Variants in GALNT18 observed in about 807,000 individuals in gnomAD.
GALNT18 encodes the protein GalNAc-transferase 18.
A neutral mutation model predicts 69.5 loss-of-function variants in GALNT18; 44 were observed. The ratio of observed to expected loss-of-function variants is 0.63; its 90% CI spans 0.50 to 0.81. GALNT18 has a LOEUF of 0.81. GALNT18 is among the 40% of genes least tolerant of loss of function. The probability of loss-of-function intolerance (pLI) is 0.00; values close to 1 mark genes in which losing one functional copy is unlikely to be tolerated. For synonymous variants in GALNT18, 364 were observed against 318.2 expected, an observed-to-expected ratio of 1.14 and a Z score of -1.53; for missense variants, 715 against 810.0, an observed-to-expected ratio of 0.88 and a Z score of 1.42.
rs1859104054 is a variant in GALNT18 at position 11,582,219 on chromosome 11, T to C, written c.235+39140A>G. ...GGCTCTGAAGCAGGAACAAAGCTGA[T>C]GTGTTTGAGAACAGCACAAGCTGAT... On this transcript the variant is annotated intron_variant, in intron 1 of 10. Transcript: ENST00000227756. This position sits in a 1 kb window ranked among gnomAD's most constrained non-coding sequence, Gnocchi z 5.0. Among the ~76,000 whole-genome samples, 1 of 152,122 alleles carries C rather than the reference T, an allele frequency of 6.6e-6. No homozygotes were observed.
intron 10 of GALNT18, among the ~76,000 whole-genome samples, chr11:11,279,771 C>G (rs1849029530): frequency 6.6e-6 from 1 of 152,182 alleles, no homozygotes; most frequent in Non-Finnish European, 1.5e-5. Flanking sequence ...CAGGAAATCA[C>G]AAGGGTGTTG....
intron 3 of GALNT18, among the ~76,000 whole-genome samples, chr11:11,409,847 T>A (rs1329117102): frequency 1.3e-5 from 2 of 152,234 alleles, no homozygotes; most frequent in African/African-American, 2.4e-5. Context: ...GACTTCTGTC[T>A]GTCTTGTCTG....
rs1471404830 is a variant in GALNT18 at position 11,538,410 on chromosome 11, G to C, written c.235+82949C>G. ...TTCAGCTGAGCCACCCGGGGTGTCT[G>C]TCCCCAGACGTGGACACCAGCCAAC... On this transcript the variant is annotated intron_variant, in intron 1 of 10. Coordinates refer to ENST00000227756, the MANE Select transcript of GALNT18 (RefSeq NM_198516.3). The surrounding 1 kb of genome is among the most constrained non-coding windows in gnomAD (Gnocchi z 5.2). Among the ~76,000 whole-genome samples the C allele has an allele frequency of 3.3e-5, 5 of 152,218 alleles. No homozygotes were observed. The highest frequency in any genetic ancestry group is 1.2e-4 in the African/African-American group (5 of 41,466).
intron 6 of GALNT18, among the ~76,000 whole-genome samples, chr11:11,363,363 T>G (rs1300354705): frequency 6.6e-6 from 1 of 152,166 alleles, no homozygotes; most frequent in African/African-American, 2.4e-5. Flanking sequence ...AGAGGAACAC[T>G]TCTAGATAAG....
intron 1 of GALNT18, among the ~76,000 whole-genome samples, chr11:11,597,496 T>A (rs1023406578): frequency 1.3e-5 from 2 of 152,174 alleles, no homozygotes; most frequent in Non-Finnish European, 2.9e-5. Flanking sequence ...ATGTTCTATT[T>A]CTTCTGTTGT....
At chr11:11,479,836 C>T (rs892746930) in intron 1 of GALNT18, among the ~76,000 whole-genome samples, 1 of 152,110 alleles carries the variant, frequency 6.6e-6, no homozygotes, top group Admixed American at 6.5e-5. Context: ...TTCTGGAAGC[C>T]TCATCTAGTA....
In GALNT18 at chr11:11,582,386, C is replaced by T. The variant is rs1370611532; in HGVS notation, c.235+38973G>A. Among the ~76,000 whole-genome samples the T allele has an allele frequency of 6.6e-6, 1 of 152,248 alleles. No individual in the cohort carries two copies. The highest frequency in any genetic ancestry group is 1.5e-5 in the Non-Finnish European group (1 of 68,052). On this transcript the variant is annotated intron_variant, in intron 1 of 10. Transcript: ENST00000227756. The surrounding 1 kb of genome is among the most constrained non-coding windows in gnomAD (Gnocchi z 5.0). Reference sequence around the variant, plus strand: ...AGGGCTATGCATGCCTGTCCGTTGCCCCGTGGCTTGCAGTGCTATCCAGTG... The same window carrying T: ...AGGGCTATGCATGCCTGTCCGTTGCTCCGTGGCTTGCAGTGCTATCCAGTG...
At position 11,621,760 on chromosome 11, in the gene GALNT18, C is replaced by T; in HGVS notation, c.-167G>A. 1.6e-6 allele frequency: 1 copy of T among 606,552 alleles called. No individual in the cohort carries two copies. Among genetic ancestry groups the T allele is most frequent in the South Asian group, 2.0e-5 (1 of 49,880 alleles). The allele number at this position is 606,552 out of a possible 1,614,324, so 37.6% of individuals were successfully genotyped here. ...TCCGCTGCCGGTGTAGCCGCCGTGC[C>T]CAAGTTTGCAGCTCCTGCCGCTGGC... On this transcript the variant is annotated 5_prime_UTR_variant, in exon 1 of 11. Coordinates refer to ENST00000227756, the MANE Select transcript of GALNT18 (RefSeq NM_198516.3). The surrounding 1 kb of genome is among the most constrained non-coding windows in gnomAD (Gnocchi z 9.3).
At chr11:11,570,448 G>A (rs765843800) in intron 1 of GALNT18, among the ~76,000 whole-genome samples, 5 of 152,312 alleles carry the variant, frequency 3.3e-5, no homozygotes, top group Admixed American at 6.5e-5. Flanking sequence ...CCGGCCGTCC[G>A]GCCCCTGCCC....
rs752719417 is a variant in GALNT18 at position 11,538,558 on chromosome 11, G to A, written c.235+82801C>T. Among the ~76,000 whole-genome samples the A allele has an allele frequency of 5.9e-5, 9 of 152,134 alleles. No individual in the cohort carries two copies. Among genetic ancestry groups the A allele is most frequent in the East Asian group, 1.9e-4 (1 of 5,158 alleles). On this transcript the variant is annotated intron_variant, in intron 1 of 10. Coordinates refer to ENST00000227756, the MANE Select transcript of GALNT18 (RefSeq NM_198516.3). This position sits in a 1 kb window ranked among gnomAD's most constrained non-coding sequence, Gnocchi z 5.2. The stretch of plus-strand genomic sequence containing the variant: ...TTTTCCCTGCTTGCACCAACAACCC[G>A]ATAGCCCTGGAGCTCGCGGCACTCC...
chr11:11,442,790 G>T (rs1213375289), intron 2 of GALNT18, among the ~76,000 whole-genome samples: 1 of 152,084 alleles, frequency 6.6e-6, no homozygotes, highest in African/African-American at 2.4e-5. Flanking sequence ...CTAGCCCCAC[G>T]CCCTAACCCA....
chr11:11,539,119 G>A (rs1405661204), intron 1 of GALNT18, among the ~76,000 whole-genome samples: 2 of 152,214 alleles, frequency 1.3e-5, no homozygotes, highest in Non-Finnish European at 2.9e-5. Flanking sequence ...CACCTGCTTT[G>A]TGCAGGTCCA....
intron 3 of GALNT18, among the ~76,000 whole-genome samples, chr11:11,419,170 G>T (rs1046581800): frequency 9.8e-5 from 15 of 152,316 alleles, no homozygotes; most frequent in Non-Finnish European, 1.8e-4. Context: ...GCACAGAAGG[G>T]GTCAGAGTCA....
chr11:11,553,935 G>C (rs1858263542), intron 1 of GALNT18, among the ~76,000 whole-genome samples: 1 of 152,232 alleles, frequency 6.6e-6, no homozygotes, highest in Non-Finnish European at 1.5e-5. Flanking sequence ...GAGGACACGA[G>C]CGGCTCGGGC....
intron 3 of GALNT18, among the ~76,000 whole-genome samples, chr11:11,403,667 G>C (rs1854518295): frequency 1.3e-5 from 2 of 152,174 alleles, no homozygotes; most frequent in Non-Finnish European, 2.9e-5. Flanking sequence ...GGGAGAGAGA[G>C]GCTTTGATCC....
chr11:11,340,746 G>T lies in GALNT18; in HGVS notation c.1278+73C>A. 7.0e-7 allele frequency: 1 copy of T among 1,418,784 alleles called. No homozygotes were observed. Among genetic ancestry groups the T allele is most frequent in the Non-Finnish European group, 9.6e-7 (1 of 1,036,942 alleles). The allele number at this position is 1,418,784 out of a possible 1,614,324, so 87.9% of individuals were successfully genotyped here. ...CTCTGGCTGACCCATAGGAAGAAGGGTTCGGTCCCATATCTTGTTTTGTTT... is the reference window on the plus strand; with the variant it reads ...CTCTGGCTGACCCATAGGAAGAAGGTTTCGGTCCCATATCTTGTTTTGTTT... On this transcript the variant is annotated intron_variant, in intron 7 of 10. Coordinates refer to ENST00000227756, the MANE Select transcript of GALNT18 (RefSeq NM_198516.3). This position sits in a 1 kb window ranked among gnomAD's most constrained non-coding sequence, Gnocchi z 4.2.
chr11:11,462,274 C>CTTTTTT (rs1391768740), intron 1 of GALNT18, among the ~76,000 whole-genome samples: 1 of 137,456 alleles, frequency 7.3e-6, no homozygotes, highest in Non-Finnish European at 1.6e-5. Context: ...AAAGTCTTTT[C>CTTTTTT]TTTTTTTTTT....
intron 9 of GALNT18, among the ~76,000 whole-genome samples, chr11:11,295,487 G>C (rs906191698): frequency 2.0e-5 from 3 of 151,952 alleles, no homozygotes; most frequent in African/African-American, 7.3e-5. Flanking sequence ...GGAGGGCTTT[G>C]GGGTCATGGC....
chr11:11,510,786 C>T (rs1183118308), intron 1 of GALNT18, among the ~76,000 whole-genome samples: 1 of 152,192 alleles, frequency 6.6e-6, no homozygotes, highest in East Asian at 1.9e-4. Context: ...GACTCCAGGG[C>T]AAATCTCAGG....
Sources: allele counts gnomAD v4.1 joint callset (sites outside exome capture counted in the v4.1 genomes callset), GRCh38; gene constraint gnomAD v4.1.1; non-coding constraint Gnocchi (gnomAD v3.1); transcripts MANE v1.5; gene names NCBI Gene and HGNC (gene_info 2026-07-23, HGNC 2026-07-21).